Variants in SYNE2 observed in about 807,000 individuals in gnomAD.
The protein encoded by SYNE2 is spectrin repeat containing nuclear envelope protein 2.
Under a neutral mutation model 856.3 loss-of-function variants are expected in SYNE2, and 431 were observed. The observed-to-expected ratio is 0.50, with a 90% CI of 0.47 to 0.55. SYNE2 has a LOEUF of 0.55. Ranked by LOEUF, SYNE2 falls within the 20% of genes least tolerant of loss-of-function variation. The pLI is 0.00. For synonymous variants in SYNE2, 2,923 were observed against 2,872.3 expected, an observed-to-expected ratio of 1.02 and a Z score of -0.56; for missense variants, 8,129 against 8,023.2, an observed-to-expected ratio of 1.01 and a Z score of -0.50.
chr14:63,994,517 C>CAGAGAGTT (rs2096696914), intron 22 of SYNE2, among the ~76,000 whole-genome samples: 1 of 151,934 alleles, frequency 6.6e-6, no homozygotes, highest in African/African-American at 2.4e-5. Context: ...TCCAGTGTAC[C>CAGAGAGTT]CCACGCCCAG....
intron 8 of SYNE2, among the ~76,000 whole-genome samples, chr14:63,955,683 G>A (rs908854772): frequency 6.6e-6 from 1 of 152,012 alleles, no homozygotes; most frequent in East Asian, 1.9e-4. Flanking sequence ...CCCAAACAAT[G>A]GGAAATGTAC....
intron 1 of SYNE2, among the ~76,000 whole-genome samples, chr14:63,811,567 G>A (rs1888616993): frequency 1.3e-5 from 2 of 152,162 alleles, no homozygotes; most frequent in African/African-American, 4.8e-5. Flanking sequence ...CCAGCCTTGA[G>A]TGGAATATTA....
chr14:64,220,883 C>T lies in SYNE2; in HGVS notation c.20061+246C>T, dbSNP rs7145919. Among the ~76,000 whole-genome samples, 8,510 of 152,148 alleles carry T rather than the reference C, an allele frequency of 0.056. 327 individuals are homozygous for T. Among genetic ancestry groups the T allele is most frequent in the Non-Finnish European group, 0.08 (5,416 of 67,982 alleles). On this transcript the variant is annotated intron_variant, in intron 111 of 115. Transcript: ENST00000555002. The stretch of plus-strand genomic sequence containing the variant: ...CTCCTGGAGTCAGGGTTCCTGCAGG[C>T]GACCTGTAGGTTAGAGATGCCACCC...
At chr14:63,890,316 G>T (rs2095102207) in intron 1 of SYNE2, among the ~76,000 whole-genome samples, 1 of 152,112 alleles carries the variant, frequency 6.6e-6, no homozygotes, top group Non-Finnish European at 1.5e-5. Flanking sequence ...ACCTGCCTCA[G>T]CCTCCCAAAG....
At chr14:64,095,168 T>C (rs2097666459) in intron 61 of SYNE2, 1 of 170,320 alleles carries the variant, frequency 5.9e-6, no homozygotes, top group African/African-American at 2.4e-5. Context: ...TGCTGAAGCA[T>C]GTAGTTTTGT....
At chr14:64,000,416 G>A (rs979470812) in intron 27 of SYNE2, 146 bp from the exon 28 acceptor site, 3 of 716,858 alleles carry the variant, frequency 4.2e-6, no homozygotes, top group South Asian at 3.3e-5. Flanking sequence ...TTCACTTGTA[G>A]GTGGTTGGAA....
intron 45 of SYNE2, among the ~76,000 whole-genome samples, chr14:64,038,833 G>A (rs973640516): frequency 5.3e-5 from 8 of 151,924 alleles, no homozygotes; most frequent in African/African-American, 1.7e-4. Context: ...GGAGACCGTG[G>A]AAAGAGAGGG....
intron 1 of SYNE2, among the ~76,000 whole-genome samples, chr14:63,839,485 AG>A (rs1889975306): frequency 6.6e-6 from 1 of 152,182 alleles, no homozygotes; most frequent in South Asian, 2.1e-4. Context: ...GTTGCAGTTC[AG>A]CTATTCTAGT....
chr14:63,916,757 C>A (rs2095537979), intron 2 of SYNE2, among the ~76,000 whole-genome samples: 1 of 151,918 alleles, frequency 6.6e-6, no homozygotes, highest in South Asian at 2.1e-4. Flanking sequence ...GTGAATGAAG[C>A]CATGTGAAGT....
intron 34 of SYNE2, among the ~76,000 whole-genome samples, chr14:64,018,138 G>A (rs2096907943): frequency 6.6e-6 from 1 of 152,178 alleles, no homozygotes; most frequent in South Asian, 2.1e-4. Context: ...TTGCCAGAGG[G>A]ATTGGTAGTA....
chr14:64,183,836 G>A (rs932403265), intron 96 of SYNE2, among the ~76,000 whole-genome samples: 1 of 151,920 alleles, frequency 6.6e-6, no homozygotes, highest in Admixed American at 6.6e-5. Flanking sequence ...GAATCAGGCA[G>A]GGAGGTTGCA....
At chr14:64,072,747 C>T (rs538714824) in intron 52 of SYNE2, among the ~76,000 whole-genome samples, 7 of 152,120 alleles carry the variant, frequency 4.6e-5, no homozygotes, top group Non-Finnish European at 1.0e-4. Context: ...GTCATCTGCC[C>T]GCCTCGGCCT....
chr14:63,823,940 G>T lies in SYNE2; in HGVS notation c.-304-28561G>T, dbSNP rs188373276. On this transcript the variant is annotated intron_variant, in intron 1 of 23. Transcript: ENST00000674003. Reference sequence around the variant, plus strand: ...GCATGAGCCACCACACCTGGCCCAGGTTAATGGTTAGTGGATACAAAAAAA... The same window carrying T: ...GCATGAGCCACCACACCTGGCCCAGTTTAATGGTTAGTGGATACAAAAAAA... 6.8e-4 allele frequency among the ~76,000 whole-genome samples: 104 copies of T among 152,182 alleles called. 1 individual carries two copies. The South Asian group carries it at 0.016, about 24-fold the overall frequency.
intron 45 of SYNE2, among the ~76,000 whole-genome samples, chr14:64,041,225 C>T (rs1484018507): frequency 6.6e-6 from 1 of 152,030 alleles, no homozygotes; most frequent in Admixed American, 6.5e-5. Context: ...ATATTTAAAT[C>T]TTTACAAGAG....
intron 28 of SYNE2, 84 bp downstream of exon 28, chr14:64,000,803 C>A: frequency 8.1e-7 from 1 of 1,232,788 alleles, no homozygotes; most frequent in Non-Finnish European, 1.2e-6. Flanking sequence ...TCTTGCTATA[C>A]TAAGTATGTT....
intron 1 of SYNE2, among the ~76,000 whole-genome samples, chr14:63,871,326 C>A (rs529319367): frequency 1.3e-5 from 2 of 152,058 alleles, no homozygotes; most frequent in South Asian, 4.2e-4. Flanking sequence ...CTGCCTCAGC[C>A]TCCTGAGTAG....
At chr14:63,990,699 TTTTA>T (rs2096659913) in intron 20 of SYNE2, 130 bp downstream of exon 20, 2 of 875,400 alleles carry the variant, frequency 2.3e-6, no homozygotes, top group Admixed American at 2.4e-5. Context: ...TTGCATTATG[TTTTA>T]TTTCTTTATA....
At position 64,113,526 on chromosome 14, in the gene SYNE2, C is replaced by A. The variant is rs780647420; in HGVS notation, c.12795C>A (p.Asn4265Lys). The stretch of plus-strand genomic sequence containing the variant: ...TGGCAGTTGAGCCGGAAACATTAAA[C>A]GCAGACATGCAGCAGGTGCTGGAAC... ...ANVAVEPETL[N>K]ADMQQVLEQQ... is the part of the protein sequence containing the mutation. The change falls in exon 66 of 116, where the codon AAC (asparagine) becomes AAA (lysine). Residue 4265 changes from asparagine to lysine, a missense_variant. Transcript: ENST00000555002. The A allele has an allele frequency of 6.2e-7, 1 of 1,613,436 alleles. No individual in the cohort carries two copies. Among genetic ancestry groups the A allele is most frequent in the Non-Finnish European group, 8.5e-7 (1 of 1,179,740 alleles).
chr14:64,194,397 A>G (rs2098531712), intron 99 of SYNE2, among the ~76,000 whole-genome samples: 1 of 152,046 alleles, frequency 6.6e-6, no homozygotes, highest in Non-Finnish European at 1.5e-5. Context: ...GGCTCAAACA[A>G]TTCTCCTACC....
Sources: allele counts gnomAD v4.1 joint callset (sites outside exome capture counted in the v4.1 genomes callset), GRCh38; gene constraint gnomAD v4.1.1; transcripts MANE v1.5; gene names NCBI Gene and HGNC (gene_info 2026-07-23, HGNC 2026-07-21).